Variants in NPEPPS observed in about 807,000 individuals in gnomAD.
NPEPPS encodes aminopeptidase puromycin sensitive.
Under a neutral mutation model 115.5 loss-of-function variants are expected in NPEPPS, and 14 were observed. The ratio of observed to expected loss-of-function variants is 0.12; its 90% CI spans 0.08 to 0.19. The LOEUF is 0.19. NPEPPS is among the 10% of genes least tolerant of loss of function. The probability of loss-of-function intolerance (pLI) is 1.00; values close to 1 mark genes in which losing one functional copy is unlikely to be tolerated. For missense variants in NPEPPS, 523 were observed against 1,110.8 expected (o/e 0.47, Z 7.52); for synonymous variants, 285 against 390.6 (o/e 0.73, Z 3.19).
At chr17:47,613,799 TA>T (rs563030189) in intron 19 of NPEPPS, 74 bp downstream of exon 19, 883 of 1,088,608 alleles carry the variant, frequency 8.1e-4, no homozygotes, top group South Asian at 9.6e-4. Context: ...TCTAAATGGT[TA>T]AAAAAAAAGA....
In NPEPPS at chr17:47,531,579, G is replaced by A; in HGVS notation, c.255+24G>A. 4 of 1,578,084 alleles carry A rather than the reference G, an allele frequency of 2.5e-6. No individual in the cohort carries two copies. The East Asian group carries it at 9.3e-5, about 37-fold the overall frequency. ...AGGTACAGCGACCCTCGGGCCCCGG[G>A]GCAAGCTGCGGGGCGAGCAGTTAGG... is the stretch of plus-strand genomic sequence containing the variant. On this transcript the variant is annotated intron_variant, in intron 1 of 22. Coordinates refer to ENST00000322157, the MANE Select transcript of NPEPPS (RefSeq NM_006310.4).
intron 1 of NPEPPS, among the ~76,000 whole-genome samples, chr17:47,537,980 G>A (rs541724148): frequency 5.6e-5 from 8 of 143,260 alleles, no homozygotes; most frequent in South Asian, 2.3e-4. Context: ...TGCAACCTCC[G>A]CCTCCCAGGT....
chr17:47,549,023 TA>T (rs1383003397), intron 2 of NPEPPS, among the ~76,000 whole-genome samples: 8 of 152,146 alleles, frequency 5.3e-5, no homozygotes, highest in Non-Finnish European at 1.2e-4. Flanking sequence ...GAGATTCTGA[TA>T]AAACGTTAAA....
upstream of NPEPPS, chr17:47,530,930 G>A (rs1483968712): frequency 6.6e-6 from 1 of 150,940 alleles, no homozygotes; most frequent in Non-Finnish European, 1.5e-5. Flanking sequence ...CCAGTCCTGA[G>A]CGGCGCCGAC....
intron 2 of NPEPPS, among the ~76,000 whole-genome samples, chr17:47,565,679 G>T (rs1407847363): frequency 1.3e-5 from 2 of 151,980 alleles, no homozygotes; most frequent in East Asian, 3.9e-4. Context: ...AATTAGTCGG[G>T]TGTGGTGGTG....
intron 5 of NPEPPS, among the ~76,000 whole-genome samples, chr17:47,584,682 A>G (rs545069019): frequency 6.6e-6 from 1 of 152,306 alleles, no homozygotes; most frequent in Admixed American, 6.5e-5. Context: ...CCTGAATAGG[A>G]AAAAGAGGGA....
At chr17:47,607,451 G>T (rs1439902745) in intron 17 of NPEPPS, among the ~76,000 whole-genome samples, 1 of 152,148 alleles carries the variant, frequency 6.6e-6, no homozygotes, top group Admixed American at 6.5e-5. Context: ...GAGTGGGAGA[G>T]GGCAATGGGA....
intron 17 of NPEPPS, among the ~76,000 whole-genome samples, chr17:47,606,943 C>T (rs904476460): frequency 4.6e-5 from 7 of 151,640 alleles, no homozygotes; most frequent in African/African-American, 1.7e-4. Flanking sequence ...GCCTGTAATC[C>T]CAGCACTTTG....
chr17:47,561,441 A>G (rs1910422636), intron 2 of NPEPPS, among the ~76,000 whole-genome samples: 1 of 151,980 alleles, frequency 6.6e-6, no homozygotes, highest in African/African-American at 2.4e-5. Flanking sequence ...TAGAACACCC[A>G]TAGTCCCTGT....
At chr17:47,564,887 T>C (rs1910700302) in intron 2 of NPEPPS, among the ~76,000 whole-genome samples, 1 of 151,924 alleles carries the variant, frequency 6.6e-6, no homozygotes, top group Non-Finnish European at 1.5e-5. Flanking sequence ...TCCCTAGCCA[T>C]GTCTCTATTC....
chr17:47,531,032 C>T (rs1183088023), upstream of NPEPPS: 1 of 228,462 alleles, frequency 4.4e-6, no homozygotes, highest in African/African-American at 2.3e-5. Context: ...GCCGCTCCGC[C>T]CTCTGCCCAG....
intron 13 of NPEPPS, among the ~76,000 whole-genome samples, chr17:47,597,387 G>T (rs979672967): frequency 6.6e-6 from 1 of 152,156 alleles, no homozygotes; most frequent in Non-Finnish European, 1.5e-5. Context: ...GTTCTCTTCA[G>T]TTTATTTGCC....
intron 3 of NPEPPS, among the ~76,000 whole-genome samples, chr17:47,575,580 A>AATTATTATTATTATTATT (rs10646632): frequency 4.4e-4 from 63 of 144,082 alleles, no homozygotes; most frequent in East Asian, 1.2e-3. Context: ...GACAATATTG[A>AATTATTATTATTATTATT]ATTATTATTA....
chr17:47,592,535 T>C lies in NPEPPS; in HGVS notation c.1416T>C (p.Asn472=). 1 of 1,595,424 alleles carries C rather than the reference T, an allele frequency of 6.3e-7. No individual in the cohort carries two copies. Among genetic ancestry groups the C allele is most frequent in the African/African-American group, 1.3e-5 (1 of 74,780 alleles). ...NMYLTKFQQK[N]AATEDLWESL... is the part of the protein sequence containing the mutation. ...ATTTAACCAAGTTCCAACAAAAGAA[T>C]GCTGCCACAGGTAATCTCTAATAGC... is the stretch of plus-strand genomic sequence containing the variant. The change falls in exon 12 of 23, where the codon AAT becomes AAC. Residue 472 remains asparagine (N), a synonymous_variant. Coordinates refer to ENST00000322157, the MANE Select transcript of NPEPPS (RefSeq NM_006310.4).
At position 47,614,709 on chromosome 17, in the gene NPEPPS, A is replaced by G. The variant is rs571693787; in HGVS notation, c.2295+984A>G. ...TTCCGGTCTATAAAGAAATGGCTTG[A>G]GTGCACTGGCTACATTAGAGGTGGA... On this transcript the variant is annotated intron_variant, in intron 19 of 22. Coordinates refer to ENST00000322157, the MANE Select transcript of NPEPPS (RefSeq NM_006310.4). Among the ~76,000 whole-genome samples, 6 of 152,340 alleles carry G rather than the reference A, an allele frequency of 3.9e-5. No homozygotes were observed. In the South Asian group the frequency reaches 1.2e-3, roughly 32 times the overall value.
chr17:47,618,996 TTTC>T lies in NPEPPS; in HGVS notation c.2404-10_2404-8del, dbSNP rs1914377174. On this transcript the variant is annotated splice_polypyrimidine_tract_variant and intron_variant, in intron 20 of 22. Transcript: ENST00000322157. Reference sequence around the variant, plus strand: ...TTGATACACTAGACTTTTAGCTCTCTTTCTTTTTTTAGGAAGAGGTACGTCCAC... The same window carrying T: ...TTGATACACTAGACTTTTAGCTCTCTTTTTTTTAGGAAGAGGTACGTCCAC... 1.2e-6 allele frequency: 2 copies of T among 1,609,702 alleles called. No individual in the cohort carries two copies. Among genetic ancestry groups the T allele is most frequent in the Non-Finnish European group, 1.7e-6 (2 of 1,177,378 alleles).
chr17:47,574,321 C>T (rs1911376942), intron 3 of NPEPPS, among the ~76,000 whole-genome samples: 2 of 151,818 alleles, frequency 1.3e-5, no homozygotes. Context: ...GATATATAAA[C>T]CTAGCCAGTA....
At position 47,619,045 on chromosome 17, in the gene NPEPPS, G is replaced by A. The variant is rs777480931; in HGVS notation, c.2440G>A (p.Gly814Ser). ...TCCACAGGACACTGTATCGGTAATT[G>A]GTGGAGTAGCTGGAGGCAGCAAGCA... ...VRPQDTVSVIGGVAGGSKHGR... is the reference protein window; with the variant it reads ...VRPQDTVSVISGVAGGSKHGR... The change falls in exon 21 of 23, where the codon GGT (glycine) becomes AGT (serine). Residue 814 changes from glycine to serine, a missense_variant. By Grantham distance (56) the Gly-to-Ser change is moderately conservative (BLOSUM62 0). Transcript: ENST00000322157. 12 of 1,613,796 alleles carry A rather than the reference G, an allele frequency of 7.4e-6. No homozygotes were observed. The South Asian group carries it at 1.2e-4, about 16-fold the overall frequency.
chr17:47,619,701 T>C, intron 21 of NPEPPS, 36 bp from the exon 22 acceptor site: 7 of 1,579,500 alleles, frequency 4.4e-6, no homozygotes, highest in Non-Finnish European at 6.1e-6. Context: ...CTCAGCCTCT[T>C]GGTTTCACTT....
Sources: gnomAD v4.1 joint callset for allele counts (sites outside exome capture counted in the v4.1 genomes callset) on GRCh38, gnomAD v4.1.1 for gene constraint, MANE v1.5 for transcripts, NCBI Gene and HGNC (gene_info 2026-07-23, HGNC 2026-07-21) for gene names.